NELL1: variants seen among roughly 807,000 people sequenced by gnomAD.
NELL1 encodes neural EGFL like 1.
Under a neutral mutation model 107.4 loss-of-function variants are expected in NELL1, and 76 were observed. The observed-to-expected ratio is 0.71, with a 90% confidence interval of 0.59 to 0.86. The LOEUF (loss-of-function observed/expected upper bound fraction) is 0.86, where lower values mean the gene tolerates loss of function less well. Ranked by LOEUF, NELL1 falls within the 40% of genes least tolerant of loss-of-function variation. The pLI is 0.00. For missense variants in NELL1, 1,024 were observed against 1,005.5 expected (o/e 1.02, Z -0.25); for synonymous variants, 353 against 341.2 (o/e 1.03, Z -0.38).
At chr11:21,569,509 T>C (rs1017433233) in intron 17 of NELL1, among the ~76,000 whole-genome samples, 3 of 151,634 alleles carry the variant, frequency 2.0e-5, no homozygotes, top group Non-Finnish European at 4.4e-5. Flanking sequence ...CTTAAAACCA[T>C]TGAAAGAGAA....
At chr11:20,758,183 G>T (rs969156678) in intron 2 of NELL1, among the ~76,000 whole-genome samples, 1 of 152,106 alleles carries the variant, frequency 6.6e-6, no homozygotes, top group Non-Finnish European at 1.5e-5. Context: ...TTCTGTCCCT[G>T]CCTCCTAAAA....
At chr11:21,351,710 G>A (rs966062467) in intron 14 of NELL1, among the ~76,000 whole-genome samples, 7 of 151,976 alleles carry the variant, frequency 4.6e-5, no homozygotes, top group African/African-American at 1.7e-4. Context: ...CACACTGATT[G>A]AGGGGACCAT....
At chr11:20,964,057 A>G (rs1851342423) in intron 12 of NELL1, among the ~76,000 whole-genome samples, 1 of 152,184 alleles carries the variant, frequency 6.6e-6, no homozygotes, top group African/African-American at 2.4e-5. Context: ...CTATGATACA[A>G]TTCACAGGAG....
At chr11:21,572,842 G>T (rs1430698316) in intron 18 of NELL1, among the ~76,000 whole-genome samples, 2 of 151,832 alleles carry the variant, frequency 1.3e-5, no homozygotes, top group Non-Finnish European at 2.9e-5. Flanking sequence ...ACATGATGGA[G>T]AGAAAGTAAC....
At chr11:20,772,521 T>G (rs1355996178) in intron 2 of NELL1, among the ~76,000 whole-genome samples, 1 of 152,206 alleles carries the variant, frequency 6.6e-6, no homozygotes, top group East Asian at 1.9e-4. Flanking sequence ...TTAGAAAATG[T>G]TAAAGTCCTG....
At chr11:21,567,368 G>A (rs1203297861) in intron 17 of NELL1, among the ~76,000 whole-genome samples, 1 of 151,794 alleles carries the variant, frequency 6.6e-6, no homozygotes, top group African/African-American at 2.4e-5. Flanking sequence ...CTAGGATCAG[G>A]ACACTTCCTT....
intron 2 of NELL1, among the ~76,000 whole-genome samples, chr11:20,683,268 A>G (rs1357405214): frequency 2.0e-5 from 3 of 152,118 alleles, no homozygotes; most frequent in South Asian, 4.1e-4. Context: ...GCAGATTTAG[A>G]TAATAAAATC....
chr11:20,682,258 A>G (rs1472328339), intron 2 of NELL1, among the ~76,000 whole-genome samples: 1 of 152,030 alleles, frequency 6.6e-6, no homozygotes, highest in Non-Finnish European at 1.5e-5. Context: ...TAATTGTAAC[A>G]TCTGTAAGAG....
intron 15 of NELL1, among the ~76,000 whole-genome samples, chr11:21,518,212 C>CT (rs201586996): frequency 8.7e-5 from 13 of 149,704 alleles, no homozygotes; most frequent in Admixed American, 3.3e-4. Context: ...TTGACAAAAG[C>CT]TTTTTTTTTC....
chr11:21,341,592 T>A (rs1038947407), intron 14 of NELL1, among the ~76,000 whole-genome samples: 1 of 152,164 alleles, frequency 6.6e-6, no homozygotes, highest in African/African-American at 2.4e-5. Flanking sequence ...TAAAGAAGGA[T>A]AATTTCTCCA....
At chr11:21,000,290 G>A (rs942676856) in intron 12 of NELL1, among the ~76,000 whole-genome samples, 2 of 151,960 alleles carry the variant, frequency 1.3e-5, no homozygotes, top group African/African-American at 2.4e-5. Context: ...TCTTAATCCA[G>A]TTTACTGTGT....
intron 15 of NELL1, among the ~76,000 whole-genome samples, chr11:21,533,658 CA>C (rs554207332): frequency 7.1e-4 from 108 of 151,814 alleles, no homozygotes; most frequent in African/African-American, 2.4e-3. Flanking sequence ...AACAAATAAA[CA>C]AAAAAAGCCT....
chr11:20,970,295 A>G (rs1851473276), intron 12 of NELL1, among the ~76,000 whole-genome samples: 1 of 152,184 alleles, frequency 6.6e-6, no homozygotes. Flanking sequence ...CAGCCCTACG[A>G]AAGGCATAAA....
intron 13 of NELL1, among the ~76,000 whole-genome samples, chr11:21,175,851 T>C (rs1856701243): frequency 6.6e-6 from 1 of 151,870 alleles, no homozygotes; most frequent in Admixed American, 6.6e-5. Context: ...AAGTTGAGGC[T>C]TTGTGCCGTC....
chr11:21,437,008 T>G (rs1450852393), intron 15 of NELL1, among the ~76,000 whole-genome samples: 2 of 152,208 alleles, frequency 1.3e-5, no homozygotes, highest in East Asian at 1.9e-4. Context: ...TTAAAAATTT[T>G]AAGTCTTGTT....
intron 15 of NELL1, among the ~76,000 whole-genome samples, chr11:21,387,708 T>C (rs1486468260): frequency 6.6e-6 from 1 of 151,820 alleles, no homozygotes; most frequent in African/African-American, 2.4e-5. Flanking sequence ...CTGTGTTTTT[T>C]CTCAATTGAA....
At chr11:21,277,807 C>T (rs1278218462) in intron 14 of NELL1, among the ~76,000 whole-genome samples, 1 of 152,134 alleles carries the variant, frequency 6.6e-6, no homozygotes, top group Non-Finnish European at 1.5e-5. Flanking sequence ...GGACAAAAAA[C>T]CAAACACTGC....
chr11:21,260,694 G>A (rs949190195), intron 14 of NELL1: 8 of 151,860 alleles, frequency 5.3e-5, no homozygotes, highest in Non-Finnish European at 1.2e-4. Flanking sequence ...CCACAGGAGA[G>A]AAAATGACAT....
intron 15 of NELL1, among the ~76,000 whole-genome samples, chr11:21,494,743 G>T (rs556171267): frequency 1.1e-4 from 17 of 151,804 alleles, no homozygotes; most frequent in South Asian, 4.1e-4. Context: ...AAATATTCAT[G>T]CAATGTAATA....
Sources: allele counts gnomAD v4.1 joint callset (sites outside exome capture counted in the v4.1 genomes callset), GRCh38; gene constraint gnomAD v4.1.1; transcripts MANE v1.5; gene names NCBI Gene and HGNC (gene_info 2026-07-23, HGNC 2026-07-21).